MYT1L: variants seen among roughly 807,000 people sequenced by gnomAD.
The protein encoded by MYT1L is myelin transcription factor 1-like protein.
In MYT1L, 12 loss-of-function variants were observed where a neutral mutation model predicts 126.7. The observed-to-expected ratio is 0.09, with a 90% CI of 0.06 to 0.15. MYT1L has a LOEUF of 0.15. Among genes scored for constraint, MYT1L ranks in the 10% least tolerant of loss-of-function variants. MYT1L has a pLI of 1.00. For synonymous variants in MYT1L, 541 were observed against 604.2 expected (o/e 0.90, Z 1.53); for missense variants, 979 against 1,585.2 (o/e 0.62, Z 6.49).
chr2:1,840,175 GTTTTA>G (rs1443347260), intron 20 of MYT1L, among the ~76,000 whole-genome samples: 4 of 151,898 alleles, frequency 2.6e-5, no homozygotes, highest in Non-Finnish European at 5.9e-5. Flanking sequence ...TTTTTATTTT[GTTTTA>G]ATTAAAACTT....
intron 1 of MYT1L, among the ~76,000 whole-genome samples, chr2:2,288,821 T>G (rs1389310642): frequency 6.6e-6 from 1 of 152,228 alleles, no homozygotes; most frequent in Admixed American, 6.5e-5. Flanking sequence ...CATGTTCAGC[T>G]TGAACACCTC....
At chr2:1,838,221 C>A (rs1043023576) in intron 21 of MYT1L, among the ~76,000 whole-genome samples, 4 of 151,992 alleles carry the variant, frequency 2.6e-5, no homozygotes, top group Admixed American at 2.6e-4. Context: ...GCCAATTTTT[C>A]TCTTTAAACC....
At chr2:1,872,225 C>G (rs1256003053) in intron 18 of MYT1L, among the ~76,000 whole-genome samples, 1 of 152,286 alleles carries the variant, frequency 6.6e-6, no homozygotes, top group South Asian at 2.1e-4. Flanking sequence ...TATGTTCCGA[C>G]CCCCAGTCAT....
At chr2:2,173,816 C>T (rs775722279) in intron 2 of MYT1L, among the ~76,000 whole-genome samples, 24 of 152,100 alleles carry the variant, frequency 1.6e-4, no homozygotes, top group Non-Finnish European at 2.8e-4. Flanking sequence ...GTCAGGAGAA[C>T]GAAGAGACCC....
Position 2,262,390 on chromosome 2 carries a change from C to CA in MYT1L, c.-421+22013dup, listed in dbSNP as rs200346842. On this transcript the variant is annotated intron_variant, in intron 2 of 24. Transcript: ENST00000647738. Reference sequence around the variant, plus strand: ...AAACAAACAAACAAACAAACAACAACAAAAAAAAACCAAATAATTAGGCAG... The same window carrying CA: ...AAACAAACAAACAAACAAACAACAACAAAAAAAAAACCAAATAATTAGGCAG... Among the ~76,000 whole-genome samples, 333 of 149,710 alleles carry CA rather than the reference C, an allele frequency of 2.2e-3. 1 individual carries two copies. The highest frequency in any genetic ancestry group is 5.9e-3 in the African/African-American group (239 of 40,728).
At chr2:2,152,766 C>T (rs754639362) in intron 3 of MYT1L, among the ~76,000 whole-genome samples, 14 of 152,066 alleles carry the variant, frequency 9.2e-5, no homozygotes, top group Non-Finnish European at 1.5e-4. Flanking sequence ...TAAGCAGAGG[C>T]GTGGCCTGGA....
chr2:2,136,537 C>G (rs750491618), intron 3 of MYT1L, among the ~76,000 whole-genome samples: 1 of 152,202 alleles, frequency 6.6e-6, no homozygotes, highest in Non-Finnish European at 1.5e-5. Flanking sequence ...GCAAGTCAAT[C>G]ATGGACACGT....
intron 3 of MYT1L, among the ~76,000 whole-genome samples, chr2:2,081,888 C>T (rs376173307): frequency 7.9e-5 from 12 of 152,044 alleles, no homozygotes; most frequent in South Asian, 2.1e-4. Context: ...TACAGGTGCG[C>T]GATGCCATGC....
rs2149491116 is a variant in MYT1L at position 1,979,625 on chromosome 2, A to G, written c.56-71T>C. The G allele has an allele frequency of 6.2e-7, 1 of 1,602,222 alleles. No individual in the cohort carries two copies. The highest frequency in any genetic ancestry group is 2.2e-5 in the East Asian group (1 of 44,816). On this transcript the variant is annotated intron_variant, in intron 6 of 24. Coordinates refer to ENST00000647738, the MANE Select transcript of MYT1L (RefSeq NM_001303052.2). The surrounding 1 kb of genome is among the most constrained non-coding windows in gnomAD (Gnocchi z 4.0). ...CGACCCTCTTCCACAGAAAATTACC[A>G]AAAGGGTGGCATGAAAGTGGGGTCA...
chr2:2,302,737 A>G (rs2095802884), intron 1 of MYT1L, among the ~76,000 whole-genome samples: 1 of 152,200 alleles, frequency 6.6e-6, no homozygotes. Context: ...TGTCTCATTT[A>G]AAACTTTGCT....
At chr2:2,020,374 G>A (rs2064911120) in intron 4 of MYT1L, among the ~76,000 whole-genome samples, 2 of 152,120 alleles carry the variant, frequency 1.3e-5, no homozygotes, top group South Asian at 4.1e-4. Context: ...ATTTCCAGAT[G>A]CCAAGGAGTC....
At chr2:1,973,668 A>C (rs898549683) in intron 8 of MYT1L, among the ~76,000 whole-genome samples, 23 of 152,254 alleles carry the variant, frequency 1.5e-4, no homozygotes, top group Admixed American at 1.3e-3. Flanking sequence ...CTACACAGAC[A>C]GAGAGGAAGG....
At chr2:2,189,804 G>T (rs2092460573) in intron 2 of MYT1L, among the ~76,000 whole-genome samples, 1 of 151,078 alleles carries the variant, frequency 6.6e-6, no homozygotes, top group African/African-American at 2.5e-5. Context: ...TCGTTCTCAG[G>T]ACCGCACGGG....
intron 3 of MYT1L, among the ~76,000 whole-genome samples, chr2:2,140,883 C>T (rs2083876024): frequency 6.6e-6 from 1 of 152,268 alleles, no homozygotes; most frequent in Non-Finnish European, 1.5e-5. Flanking sequence ...TCAATGTCTT[C>T]AAATATAATT....
intron 21 of MYT1L, among the ~76,000 whole-genome samples, chr2:1,817,679 G>A (rs2037891159): frequency 6.6e-6 from 1 of 152,186 alleles, no homozygotes; most frequent in Non-Finnish European, 1.5e-5. Context: ...CGGCCCTGGT[G>A]CGGTGACAGT....
intron 2 of MYT1L, among the ~76,000 whole-genome samples, chr2:2,250,974 A>G (rs1181852210): frequency 6.6e-6 from 1 of 152,200 alleles, no homozygotes; most frequent in Non-Finnish European, 1.5e-5. Context: ...TGTTAAATAG[A>G]TTATGATCAG....
chr2:1,864,343 C>T (rs1179073295), intron 18 of MYT1L, among the ~76,000 whole-genome samples: 1 of 152,210 alleles, frequency 6.6e-6, no homozygotes, highest in Non-Finnish European at 1.5e-5. Flanking sequence ...GGAGTCTCCA[C>T]AGCCCTCCCT....
At chr2:1,978,383 T>G in intron 8 of MYT1L, among the ~76,000 whole-genome samples, 1 of 152,214 alleles carries the variant, frequency 6.6e-6, no homozygotes, top group Admixed American at 6.5e-5. Context: ...TACCTCACTA[T>G]AATTGAAACC....
chr2:2,037,946 G>A lies in MYT1L; in HGVS notation c.-158+16032C>T, dbSNP rs574224184. Among the ~76,000 whole-genome samples, 6 of 152,086 alleles carry A rather than the reference G, an allele frequency of 3.9e-5. No homozygotes were observed. In the East Asian group the frequency reaches 7.8e-4, roughly 20 times the overall value. On this transcript the variant is annotated intron_variant, in intron 4 of 24. Transcript: ENST00000647738. ...GTAACCTCCCCTAACTCCCAGCACC[G>A]ACTCTGCACAGCCTGGATGAACACT... is the stretch of plus-strand genomic sequence containing the variant.
Sources: gnomAD v4.1 joint callset for allele counts (sites outside exome capture counted in the v4.1 genomes callset) on GRCh38, gnomAD v4.1.1 for gene constraint, Gnocchi (gnomAD v3.1) non-coding constraint, MANE v1.5 for transcripts, NCBI Gene and HGNC (gene_info 2026-07-23, HGNC 2026-07-21) for gene names.